Variants in RPAP1 observed in about 807,000 individuals in gnomAD.
RPAP1 encodes the protein RNA polymerase II-associated protein 1.
Under a neutral mutation model 142.4 loss-of-function variants are expected in RPAP1, and 109 were observed. The observed-to-expected ratio is 0.77, with a 90% CI of 0.66 to 0.90. The LOEUF (loss-of-function observed/expected upper bound fraction) is 0.90. RPAP1 is among the 40% of genes least tolerant of loss of function. The pLI is 0.00. For missense variants in RPAP1, 1,546 were observed against 1,751.7 expected, an observed-to-expected ratio of 0.88 and a Z score of 2.10; for synonymous variants, 704 against 738.9, an observed-to-expected ratio of 0.95 and a Z score of 0.77.
At position 41,523,608 on chromosome 15, in the gene RPAP1, G is replaced by A. The variant is rs565454874; in HGVS notation, c.2436+163C>T. On this transcript the variant is annotated intron_variant, in intron 17 of 24. Coordinates refer to ENST00000304330, the MANE Select transcript of RPAP1 (RefSeq NM_015540.4). ...CAACATGGCTCCTGGGAAGCTCCAC[G>A]GGGATATGGAGGTAGAAAGAGGAGG... is the stretch of plus-strand genomic sequence containing the variant. 1.4e-4 allele frequency among the ~76,000 whole-genome samples: 21 copies of A among 152,324 alleles called. No homozygotes were observed. In the South Asian group the frequency reaches 2.3e-3, roughly 17 times the overall value.
Position 41,517,660 on chromosome 15 carries a change from A to G in RPAP1, c.4064T>C (p.Leu1355Pro). ...GCCCTCTGGGAGCGTGGAATTGGGA[A>G]GCTTATAGTGCAGGAGGTGCTGCCG... ...GLRQHLLHYK[L>P]PNSTLPEGFE... The change falls in exon 25 of 25, where the codon CTT (leucine) becomes CCT (proline). Residue 1355 changes from leucine to proline, a missense_variant. Physicochemically the swap from Leu to Pro is moderately conservative, Grantham distance 98. Coordinates refer to ENST00000304330, the MANE Select transcript of RPAP1 (RefSeq NM_015540.4). The G allele has an allele frequency of 6.2e-7, 1 of 1,612,602 alleles. No individual in the cohort carries two copies. The highest frequency in any genetic ancestry group is 8.5e-7 in the Non-Finnish European group (1 of 1,179,144).
rs776403042 is a variant in RPAP1 at position 41,522,213 on chromosome 15, T to C, written c.2780A>G (p.Tyr927Cys). The C allele has an allele frequency of 6.2e-7, 1 of 1,613,952 alleles. No homozygotes were observed. The highest frequency in any genetic ancestry group is 2.2e-5 in the East Asian group (1 of 44,864). Reference sequence around the variant, plus strand: ...CCCAGGAGCCACACACTGGAGGAAGTAATTCTGGAGTCCCGGGGCAGCCAA... The same window carrying C: ...CCCAGGAGCCACACACTGGAGGAAGCAATTCTGGAGTCCCGGGGCAGCCAA... ...AILAAPGLQN[Y>C]FLQCVAPGAA... The change falls in exon 20 of 25, where the codon TAC becomes TGC. Residue 927 changes from tyrosine to cysteine, a missense_variant. Tyr to Cys is a radical substitution (Grantham distance 194, BLOSUM62 -2). Transcript: ENST00000304330.
Position 41,536,125 on chromosome 15 carries a change from C to T in RPAP1, c.420+4G>A, listed in dbSNP as rs751654537. ...GAGCACCACCTAAGCTTACCCTTGC[C>T]TACCTGTGTGTCCCGCGAGCGAAGG... On this transcript the variant is annotated splice_donor_region_variant and intron_variant, in intron 4 of 24. Coordinates refer to ENST00000304330, the MANE Select transcript of RPAP1 (RefSeq NM_015540.4). The T allele has an allele frequency of 1.2e-6, 2 of 1,613,378 alleles. No individual in the cohort carries two copies. Among genetic ancestry groups the T allele is most frequent in the South Asian group, 2.2e-5 (2 of 91,072 alleles).
chr15:41,525,112 T>G lies in RPAP1; in HGVS notation c.1954A>C (p.Ile652Leu). Residue 652 changes from isoleucine to leucine, a missense_variant, in exon 15 of 25, where the codon ATC becomes CTC. By Grantham distance (5) the Ile-to-Leu change is conservative. Around this residue, in one of 3 missense-constraint regions of RPAP1, gnomAD observed 1,333 missense variants for 1,486.6 expected, o/e 0.90. Coordinates refer to ENST00000304330, the MANE Select transcript of RPAP1 (RefSeq NM_015540.4). ...AGTTCTTGGGGAGCCTCAGCTATGA[T>G]GCGGCACAGGCGGCTCCGGAGATCA... ...SFDLRSRLCR[I>L]IAEAPQELAL... 1 of 1,613,638 alleles carries G rather than the reference T, an allele frequency of 6.2e-7. No individual in the cohort carries two copies. Among genetic ancestry groups the G allele is most frequent in the Non-Finnish European group, 8.5e-7 (1 of 1,179,836 alleles).
At chr15:41,536,454 C>T (rs749643750) in intron 3 of RPAP1, 47 bp downstream of exon 3, 10 of 1,605,880 alleles carry the variant, frequency 6.2e-6, no homozygotes, top group Non-Finnish European at 8.5e-6. Flanking sequence ...TCCAATATCC[C>T]TGTTGCCCTA....
rs761956809 is a variant in RPAP1 at position 41,536,665 on chromosome 15, T to C, written c.182-16A>G. On this transcript the variant is annotated splice_polypyrimidine_tract_variant and intron_variant, in intron 2 of 24. Coordinates refer to ENST00000304330, the MANE Select transcript of RPAP1 (RefSeq NM_015540.4). ...TCTGGGAGATCTGAGAAAGAAAAGA[T>C]CCCAAACGTGAGTATATGCACACCT... is the stretch of plus-strand genomic sequence containing the variant. 1.1e-5 allele frequency: 18 copies of C among 1,611,974 alleles called. No individual in the cohort carries two copies. In the Middle Eastern group the frequency reaches 5.0e-4, roughly 45 times the overall value.
chr15:41,530,389 C>A (rs1395711349), intron 7 of RPAP1, among the ~76,000 whole-genome samples: 3 of 152,182 alleles, frequency 2.0e-5, no homozygotes, highest in Non-Finnish European at 4.4e-5. Flanking sequence ...CTATACTGCT[C>A]CTGGGGGGCA....
rs2051919732 is a variant in RPAP1, at chr15:41,537,084, C to T, written c.42G>A (p.Leu14=). The part of the protein sequence containing the change: ...RPKPGESEVD[L]LHFQSQFLAA... ...CGAGAAACTGACTCTGGAAGTGCAG[C>T]AGGTCCACCTCGGACTCCCCTGGCT... Residue 14 remains leucine, a synonymous_variant, in exon 2 of 25, where the codon CTG becomes CTA. Coordinates refer to ENST00000304330, the MANE Select transcript of RPAP1 (RefSeq NM_015540.4). The T allele has an allele frequency of 6.8e-6, 11 of 1,614,190 alleles. No homozygotes were observed. The highest frequency in any genetic ancestry group is 2.2e-5 in the East Asian group (1 of 44,874).
In RPAP1 at chr15:41,522,788, T is replaced by G; in HGVS notation, c.2719A>C (p.Ile907Leu). The change falls in exon 19 of 25, where the codon ATC becomes CTC. Residue 907 changes from isoleucine to leucine, a missense_variant. Around this residue, in one of 3 missense-constraint regions of RPAP1, gnomAD observed 1,333 missense variants for 1,486.6 expected, o/e 0.90. Coordinates refer to ENST00000304330, the MANE Select transcript of RPAP1 (RefSeq NM_015540.4). ...LLSLLNTLAQ[I>L]HKGLCGQLAA... Reference sequence around the variant, plus strand: ...ACCTGGCCACACAGCCCCTTGTGGATCTGGGCCAGGGTATTAAGAAGAGAG... The same window carrying G: ...ACCTGGCCACACAGCCCCTTGTGGAGCTGGGCCAGGGTATTAAGAAGAGAG... 6.4e-7 allele frequency: 1 copy of G among 1,568,768 alleles called. No homozygotes were observed. The highest frequency in any genetic ancestry group is 8.6e-7 in the Non-Finnish European group (1 of 1,165,592).
chr15:41,541,848 C>T (rs1461461630), intron 1 of RPAP1, among the ~76,000 whole-genome samples: 6 of 150,344 alleles, frequency 4.0e-5, no homozygotes, highest in Non-Finnish European at 8.9e-5. Context: ...GACTCTGTCT[C>T]AAAAAAAAAG....
At chr15:41,538,934 G>T (rs1004563433) in intron 1 of RPAP1, among the ~76,000 whole-genome samples, 180 of 152,264 alleles carry the variant, frequency 1.2e-3, no homozygotes, top group African/African-American at 4.0e-3. Flanking sequence ...GTATGATTCT[G>T]TTCATATGGA....
At position 41,520,463 on chromosome 15, in the gene RPAP1, A is replaced by C; in HGVS notation, c.3723T>G (p.Ser1241Arg). Residue 1241 changes from serine to arginine, a missense_variant, in exon 22 of 25, where the codon AGT becomes AGG. Transcript: ENST00000304330. ...LVLLPLQRRF[S>R]VTLRLALFGE... is the part of the protein sequence containing the mutation. The stretch of plus-strand genomic sequence containing the variant: ...CAAAGAGGGCAAGGCGCAAGGTGAC[A>C]CTGAACCGACGCTGCAGGGGCAGGA... The C allele has an allele frequency of 1.2e-6, 2 of 1,614,152 alleles. No homozygotes were observed. The highest frequency in any genetic ancestry group is 1.7e-6 in the Non-Finnish European group (2 of 1,180,000).
chr15:41,536,923 C>A, intron 2 of RPAP1, 22 bp downstream of exon 2: 1 of 1,609,630 alleles, frequency 6.2e-7, no homozygotes, highest in Non-Finnish European at 8.5e-7. Context: ...TACTTCTCAG[C>A]CTCACATCCA....
chr15:41,531,209 G>C lies in RPAP1; in HGVS notation c.764-7C>G, dbSNP rs200251445. ...AAAGCAACCAAGCTGGGGTCTAGAG[G>C]CGAAGGTAGAGGGGAGAGTGAGTGA... On this transcript the variant is annotated splice_region_variant and splice_polypyrimidine_tract_variant and intron_variant, in intron 6 of 24. Coordinates refer to ENST00000304330, the MANE Select transcript of RPAP1 (RefSeq NM_015540.4). The C allele has an allele frequency of 1.6e-5, 25 of 1,606,992 alleles. No homozygotes were observed. Among genetic ancestry groups the C allele is most frequent in the Non-Finnish European group, 2.0e-5 (24 of 1,174,120 alleles).
Position 41,531,121 on chromosome 15 carries a change from G to A in RPAP1, c.845C>T (p.Pro282Leu), listed in dbSNP as rs777048333. 3.7e-6 allele frequency: 6 copies of A among 1,613,584 alleles called. No individual in the cohort carries two copies. The African/African-American group carries it at 5.3e-5, about 14-fold the overall frequency. The change falls in exon 7 of 25, where the codon CCA (proline) becomes CTA (leucine). Residue 282 changes from proline (P) to leucine (L), a missense_variant. By Grantham distance (98) the Pro-to-Leu change is moderately conservative. Transcript: ENST00000304330. The part of the protein sequence containing the change: ...TGETASEEQR[P>L]GGPSANVTKE... ...GGTGACATTAGCAGAGGGTCCTCCT[G>A]GCCTCTGCTCCTCAGAGGCTGTCTC... is the stretch of plus-strand genomic sequence containing the variant.
chr15:41,520,565 G>A lies in RPAP1; in HGVS notation c.3621C>T (p.Phe1207=). The A allele has an allele frequency of 6.2e-7, 1 of 1,614,234 alleles. No homozygotes were observed. Among genetic ancestry groups the A allele is most frequent in the East Asian group, 2.2e-5 (1 of 44,884 alleles). The change falls in exon 22 of 25, where the codon TTC becomes TTT. Residue 1207 remains phenylalanine (F), a synonymous_variant. Transcript: ENST00000304330. The stretch of plus-strand genomic sequence containing the variant: ...CCAGGAAGTTGGCATAGAGGTCAGG[G>A]AAAGACGTCAGGCCAGGGAGTCGGC... ...LDCRLPGLTS[F]PDLYANFLDH...
At chr15:41,535,262 T>C (rs921749159) in intron 5 of RPAP1, among the ~76,000 whole-genome samples, 2 of 151,962 alleles carry the variant, frequency 1.3e-5, no homozygotes, top group Admixed American at 1.3e-4. Flanking sequence ...GGCCAACACA[T>C]TTATTTTACA....
intron 9 of RPAP1, among the ~76,000 whole-genome samples, chr15:41,529,075 G>A (rs1297526795): frequency 2.0e-5 from 3 of 152,160 alleles, no homozygotes; most frequent in South Asian, 2.1e-4. Context: ...TGAATGCCAC[G>A]CCTGTAATCC....
At chr15:41,531,632 T>G (rs796491430) in intron 6 of RPAP1, among the ~76,000 whole-genome samples, 1 of 87,580 alleles carries the variant, frequency 1.1e-5, no homozygotes, top group Non-Finnish European at 2.3e-5. Context: ...TATATATTTT[T>G]TTTTTTTTTT....
Sources: gnomAD v4.1 joint callset for allele counts (sites outside exome capture counted in the v4.1 genomes callset) on GRCh38, gnomAD v4.1.1 for gene constraint, gnomAD v4.1.1 regional missense constraint, MANE v1.5 for transcripts, NCBI Gene and HGNC (gene_info 2026-07-23, HGNC 2026-07-21) for gene names.